CDK19: variants seen among roughly 807,000 people sequenced by gnomAD.
The protein encoded by CDK19 is cyclin dependent kinase 19.
CDK19 carries 20 observed loss-of-function variants against 68.3 expected under a neutral mutation model. The ratio of observed to expected loss-of-function variants is 0.29; its 90% CI spans 0.21 to 0.43. CDK19 has a LOEUF of 0.43. Among genes scored for constraint, CDK19 ranks in the 20% least tolerant of loss-of-function variants. CDK19 has a pLI of 1.00. For missense variants in CDK19, 339 were observed against 623.5 expected, an observed-to-expected ratio of 0.54 and a Z score of 4.86; for synonymous variants, 221 against 222.8, an observed-to-expected ratio of 0.99 and a Z score of 0.07.
At chr6:110,666,399 T>C (rs1005453594) in intron 4 of CDK19, among the ~76,000 whole-genome samples, 2 of 114,296 alleles carry the variant, frequency 1.7e-5, no homozygotes, top group African/African-American at 6.8e-5. Context: ...CACTCCAGCC[T>C]GGGCGACAGA....
chr6:110,734,520 G>GCTCTCTCTCTCTCTCCCTCTCTCT (rs1777055472), intron 2 of CDK19, among the ~76,000 whole-genome samples: 26 of 85,780 alleles, frequency 3.0e-4, no homozygotes, highest in Non-Finnish European at 5.1e-4. Flanking sequence ...GGTGAGCACT[G>GCTCTCTCTCTCTCTCCCTCTCTCT]CTCTCTCTCT....
chr6:110,739,415 C>A (rs1777486696), intron 2 of CDK19, among the ~76,000 whole-genome samples: 1 of 152,200 alleles, frequency 6.6e-6, no homozygotes. Context: ...CCTGGACTTC[C>A]CAGCCTCCAG....
In CDK19 at chr6:110,727,292, G is replaced by C. The variant is rs1776382805; in HGVS notation, c.204+18834C>G. 2.0e-5 allele frequency among the ~76,000 whole-genome samples: 3 copies of C among 151,616 alleles called. 1 individual carries two copies. The highest frequency in any genetic ancestry group is 2.0e-4 in the Admixed American group (3 of 15,192). ...CTACCTATTTTTCCATTTACTGTTA[G>C]AGTGCTTTTCCCTCCCTCCCACACT... On this transcript the variant is annotated intron_variant, in intron 2 of 12. Coordinates refer to ENST00000368911, the MANE Select transcript of CDK19 (RefSeq NM_015076.5).
Position 110,621,216 on chromosome 6 carries a change from C to A in CDK19, c.1265G>T (p.Gly422Val). 6.2e-7 allele frequency: 1 copy of A among 1,613,798 alleles called. No individual in the cohort carries two copies. Among genetic ancestry groups the A allele is most frequent in the Non-Finnish European group, 8.5e-7 (1 of 1,180,028 alleles). The change falls in exon 12 of 13, where the codon GGG (glycine) becomes GTG (valine). Residue 422 changes from glycine to valine, a missense_variant. By Grantham distance (109) the Gly-to-Val change is moderately radical (BLOSUM62 -3). Coordinates refer to ENST00000368911, the MANE Select transcript of CDK19 (RefSeq NM_015076.5). This position sits in a 1 kb window ranked among gnomAD's most constrained non-coding sequence, Gnocchi z 5.4. Reference protein sequence around the residue: ...AGAGVGGTGAGLQHSQDSSLN... With the variant: ...AGAGVGGTGAVLQHSQDSSLN... ...GCTGGAGTCCTGGCTGTGCTGCAAC[C>A]CTGCTCCGGTGCCCCCGACCCCGGC... is the stretch of plus-strand genomic sequence containing the variant.
intron 4 of CDK19, among the ~76,000 whole-genome samples, chr6:110,652,046 C>T (rs1781006187): frequency 6.6e-6 from 1 of 151,866 alleles, no homozygotes; most frequent in South Asian, 2.1e-4. Flanking sequence ...TGCACTCCAG[C>T]CTGGGCAACA....
At chr6:110,660,820 A>G (rs1016335649) in intron 4 of CDK19, among the ~76,000 whole-genome samples, 13 of 152,178 alleles carry the variant, frequency 8.5e-5, no homozygotes, top group African/African-American at 2.7e-4. Flanking sequence ...AGGGCAAGTC[A>G]TGGGTGGTTT....
At chr6:110,620,927 C>T (rs1013223916) in intron 12 of CDK19, among the ~76,000 whole-genome samples, 177 bp downstream of exon 12, 2 of 152,118 alleles carry the variant, frequency 1.3e-5, no homozygotes, top group African/African-American at 2.4e-5. Context: ...AGTCAGAATA[C>T]GAGATATCTT....
chr6:110,762,253 C>A (rs560479285), intron 1 of CDK19, among the ~76,000 whole-genome samples: 1 of 152,156 alleles, frequency 6.6e-6, no homozygotes, highest in Admixed American at 6.5e-5. Flanking sequence ...CTGTTTTTGG[C>A]CCTCCATCTT....
chr6:110,756,636 T>A (rs1161384643), intron 1 of CDK19, among the ~76,000 whole-genome samples: 1 of 151,858 alleles, frequency 6.6e-6, no homozygotes, highest in African/African-American at 2.4e-5. Flanking sequence ...TGAATATGTA[T>A]GCATATGTGT....
chr6:110,695,897 A>T (rs1312509216), intron 2 of CDK19, among the ~76,000 whole-genome samples: 1 of 152,188 alleles, frequency 6.6e-6, no homozygotes, highest in African/African-American at 2.4e-5. Flanking sequence ...AGATGGATTC[A>T]CAGCTGAATT....
chr6:110,710,131 G>A (rs971116327), intron 2 of CDK19, among the ~76,000 whole-genome samples: 15 of 152,186 alleles, frequency 9.9e-5, no homozygotes, highest in Admixed American at 2.0e-4. Flanking sequence ...GAAGAAAGGC[G>A]GCTCATGACA....
intron 2 of CDK19, among the ~76,000 whole-genome samples, chr6:110,692,166 C>T (rs562526016): frequency 2.6e-5 from 4 of 151,516 alleles, no homozygotes; most frequent in African/African-American, 7.2e-5. Flanking sequence ...TGGTGGTGAG[C>T]GCCTGTAGTC....
chr6:110,651,589 C>A (rs950004278), intron 4 of CDK19, among the ~76,000 whole-genome samples: 3 of 152,030 alleles, frequency 2.0e-5, no homozygotes, highest in African/African-American at 7.2e-5. Context: ...CATTCGTATT[C>A]CTGGATTTGG....
intron 5 of CDK19, among the ~76,000 whole-genome samples, chr6:110,635,893 G>A (rs991080403): frequency 6.6e-6 from 1 of 152,148 alleles, no homozygotes; most frequent in East Asian, 1.9e-4. Flanking sequence ...TTAGGCATAG[G>A]CATTGGTATT....
At chr6:110,804,395 T>A (rs1435934630) in intron 1 of CDK19, among the ~76,000 whole-genome samples, 1 of 151,836 alleles carries the variant, frequency 6.6e-6, no homozygotes, top group Admixed American at 6.6e-5. Context: ...CAGGCTGGAG[T>A]GCAATGGCGC....
At chr6:110,763,061 C>T (rs187766913) in intron 1 of CDK19, among the ~76,000 whole-genome samples, 11 of 152,274 alleles carry the variant, frequency 7.2e-5, no homozygotes, top group Admixed American at 5.9e-4. Flanking sequence ...AACTACAACG[C>T]TTGCAACAAT....
rs1778181700 is a variant in CDK19 at position 110,614,462 on chromosome 6, G to T, written c.*73C>A. ...ATGGCATCATAGTTTGCATTTTTTTGGTTCTTTTCAATGCAGACATATTGC... is the reference window on the plus strand; with the variant it reads ...ATGGCATCATAGTTTGCATTTTTTTTGTTCTTTTCAATGCAGACATATTGC... On this transcript the variant is annotated 3_prime_UTR_variant, in exon 13 of 13. Transcript: ENST00000368911. The T allele has an allele frequency of 7.5e-6, 11 of 1,475,186 alleles. No individual in the cohort carries two copies. In the Admixed American group the frequency reaches 1.6e-4, roughly 22 times the overall value. The allele number at this position is 1,475,186 out of a possible 1,614,324, so 91.4% of individuals were successfully genotyped here.
chr6:110,643,993 TTTAAAAA>T (rs546047446), intron 4 of CDK19, among the ~76,000 whole-genome samples: 123 of 152,026 alleles, frequency 8.1e-4, no homozygotes, highest in Non-Finnish European at 1.5e-3. Context: ...AAATTAAACT[TTTAAAAA>T]TTAAAACAAT....
At chr6:110,643,585 G>C (rs558769027) in intron 4 of CDK19, among the ~76,000 whole-genome samples, 2 of 152,238 alleles carry the variant, frequency 1.3e-5, no homozygotes, top group East Asian at 3.9e-4. Flanking sequence ...CTAAGATTTT[G>C]ATAAGCATAA....
Sources: allele counts gnomAD v4.1 joint callset (sites outside exome capture counted in the v4.1 genomes callset), GRCh38; gene constraint gnomAD v4.1.1; non-coding constraint Gnocchi (gnomAD v3.1); transcripts MANE v1.5; gene names NCBI Gene and HGNC (gene_info 2026-07-23, HGNC 2026-07-21).